The following DISP1 variants were observed in gnomAD, a reference collection of about 807,000 sequenced individuals.
DISP1 encodes the protein dispatched RND transporter family member 1.
Under a neutral mutation model 37.3 loss-of-function variants are expected in DISP1, and 30 were observed. The ratio of observed to expected loss-of-function variants is 0.80; its 90% CI spans 0.60 to 1.09. DISP1 has a LOEUF of 1.09. DISP1 is among the 50% of genes least tolerant of loss of function. The pLI, the probability that DISP1 is intolerant of heterozygous loss-of-function variation, is 0.00. For synonymous variants in DISP1, 634 were observed against 690.2 expected (o/e 0.92, Z 1.28); for missense variants, 1,598 against 1,879.5 (o/e 0.85, Z 2.77).
In DISP1 at chr1:222,955,337, G is replaced by A. The variant is rs1041782224; in HGVS notation, c.509+12005G>A. ...TGACCTCAAGTGATCTACCTGCCTCGACCTCCCAAATTGTTGGAATTACAG... is the reference window on the plus strand; with the variant it reads ...TGACCTCAAGTGATCTACCTGCCTCAACCTCCCAAATTGTTGGAATTACAG... On this transcript the variant is annotated intron_variant, in intron 3 of 8. Transcript: ENST00000675850. 2.0e-5 allele frequency among the ~76,000 whole-genome samples: 3 copies of A among 151,996 alleles called. No individual in the cohort carries two copies. In the South Asian group the frequency reaches 6.2e-4, roughly 32 times the overall value.
intron 3 of DISP1, among the ~76,000 whole-genome samples, chr1:222,980,240 A>C (rs1010734892): frequency 6.6e-6 from 1 of 152,234 alleles, no homozygotes; most frequent in African/African-American, 2.4e-5. Context: ...ACTTCAAAAA[A>C]TGTTTCTCTT....
intron 1 of DISP1, among the ~76,000 whole-genome samples, chr1:222,899,547 T>A (rs765371569): frequency 3.3e-5 from 5 of 152,294 alleles, no homozygotes; most frequent in Non-Finnish European, 5.9e-5. Flanking sequence ...TTGTCTGGCT[T>A]ACAGGAATGA....
rs1672182173 is a variant in DISP1 at position 222,911,081 on chromosome 1, AGG to A, written c.-158-17347_-158-17346del. ...TAAGAAATTCACAGTAATTGTCTTC[AGG>A]GCTTTCTCTTTTTCTTTGTAGAATG... On this transcript the variant is annotated intron_variant, in intron 1 of 8. Transcript: ENST00000675850. 2.0e-5 allele frequency among the ~76,000 whole-genome samples: 3 copies of A among 152,216 alleles called. 1 individual carries two copies. Among genetic ancestry groups the A allele is most frequent in the African/African-American group, 2.4e-5 (1 of 41,454 alleles).
At chr1:222,884,022 T>C (rs1181794124) in intron 1 of DISP1, among the ~76,000 whole-genome samples, 8 of 152,166 alleles carry the variant, frequency 5.3e-5, no homozygotes, top group African/African-American at 1.9e-4. Flanking sequence ...TGTCCTATAA[T>C]TGACTCTCAG....
At chr1:222,879,833 A>G (rs955123689) in intron 1 of DISP1, among the ~76,000 whole-genome samples, 1 of 152,174 alleles carries the variant, frequency 6.6e-6, no homozygotes, top group East Asian at 1.9e-4. Context: ...AAAATAAAAT[A>G]CTGTTAAGAT....
chr1:222,876,660 A>G (rs577308801), intron 1 of DISP1, among the ~76,000 whole-genome samples: 1 of 152,352 alleles, frequency 6.6e-6, no homozygotes, highest in East Asian at 1.9e-4. Context: ...AGAATTATAG[A>G]TATCATCTAA....
At position 223,003,791 on chromosome 1, in the gene DISP1, T is replaced by A; in HGVS notation, c.2394T>A (p.Asn798Lys). The A allele has an allele frequency of 6.2e-7, 1 of 1,614,146 alleles. No homozygotes were observed. The highest frequency in any genetic ancestry group is 1.6e-4 in the Middle Eastern group (1 of 6,062). The change falls in exon 9 of 9, where the codon AAT becomes AAA. Residue 798 changes from asparagine to lysine, a missense_variant. By Grantham distance (94) the Asn-to-Lys change is moderately conservative. Transcript: ENST00000675850. This position sits in a 1 kb window ranked among gnomAD's most constrained non-coding sequence, Gnocchi z 4.3. ...TVIWGVSPED[N>K]GNPLNPKSKG... is the part of the protein sequence containing the mutation. ...TCTGGGGCGTGTCCCCAGAAGACAA[T>A]GGCAACCCACTAAATCCCAAGAGTA...
chr1:222,828,801 TTC>T (rs751642429), intron 1 of DISP1, among the ~76,000 whole-genome samples: 44 of 152,314 alleles, frequency 2.9e-4, no homozygotes, highest in Non-Finnish European at 5.0e-4. Flanking sequence ...CTTGGAGCAT[TTC>T]TCTTACTTTA....
intron 1 of DISP1, among the ~76,000 whole-genome samples, chr1:222,846,797 A>C (rs1030867062): frequency 6.6e-5 from 10 of 152,272 alleles, no homozygotes; most frequent in Admixed American, 5.2e-4. Context: ...ATAGCAGGAC[A>C]TTCTGTCCTT....
intron 1 of DISP1, among the ~76,000 whole-genome samples, chr1:222,895,741 T>A (rs1490757409): frequency 6.6e-6 from 1 of 152,184 alleles, no homozygotes; most frequent in Non-Finnish European, 1.5e-5. Context: ...ATGGGTTAAC[T>A]GGATCTCTTG....
chr1:222,991,882 C>T (rs1678720929), intron 6 of DISP1, 131 bp from the exon 7 acceptor site: 2 of 857,542 alleles, frequency 2.3e-6, no homozygotes, highest in East Asian at 2.7e-5. Context: ...TTGGTTGCTT[C>T]TTCTAATCCT....
intron 1 of DISP1, among the ~76,000 whole-genome samples, chr1:222,833,705 A>G (rs1329490873): frequency 1.3e-5 from 2 of 152,198 alleles, no homozygotes; most frequent in African/African-American, 4.8e-5. Flanking sequence ...GATGTTATGC[A>G]CTGAGCTCTA....
rs1285247624 is a variant in DISP1 at position 222,943,318 on chromosome 1, C to T, written c.495C>T (p.His165=). 1 of 1,614,140 alleles carries T rather than the reference C, an allele frequency of 6.2e-7. No individual in the cohort carries two copies. The highest frequency in any genetic ancestry group is 1.3e-5 in the African/African-American group (1 of 74,940). Residue 165 remains histidine, a synonymous_variant, in exon 3 of 9, where the codon CAC becomes CAT. Coordinates refer to ENST00000675850, the MANE Select transcript of DISP1 (RefSeq NM_001377229.1). The stretch of plus-strand genomic sequence containing the variant: ...TTCAGCATCAGCCTGTGCAACAGCA[C>T]ATAGCCAACATAAGGTAAGTGATCC... ...DHFQHQPVQQ[H]IANIRPSRPF...
chr1:222,922,235 T>G (rs1672840478), intron 1 of DISP1, among the ~76,000 whole-genome samples: 1 of 152,048 alleles, frequency 6.6e-6, no homozygotes, highest in African/African-American at 2.4e-5. Flanking sequence ...GGGGGAGCCA[T>G]GAGTGTTTTT....
intron 4 of DISP1, among the ~76,000 whole-genome samples, chr1:222,989,853 A>C (rs374534404): frequency 1.3e-5 from 2 of 151,238 alleles, no homozygotes; most frequent in Non-Finnish European, 2.9e-5. Flanking sequence ...CCCAGGCTGG[A>C]GTGCAGTGGC....
chr1:222,847,540 A>G (rs1572329673), intron 1 of DISP1, among the ~76,000 whole-genome samples: 1 of 152,338 alleles, frequency 6.6e-6, no homozygotes, highest in South Asian at 2.1e-4. Flanking sequence ...ATATCAAACC[A>G]TCTTTATAAA....
chr1:222,999,828 C>T (rs1488390093), intron 8 of DISP1, among the ~76,000 whole-genome samples: 1 of 152,178 alleles, frequency 6.6e-6, no homozygotes, highest in Non-Finnish European at 1.5e-5. Context: ...TGTCTTTTCT[C>T]TGTCCTTATT....
At chr1:222,951,214 C>T (rs1040244890) in intron 3 of DISP1, among the ~76,000 whole-genome samples, 1 of 152,082 alleles carries the variant, frequency 6.6e-6, no homozygotes, top group Admixed American at 6.6e-5. Flanking sequence ...TCCCTGCCAC[C>T]CCCATATGTT....
At chr1:222,821,714 A>G (rs1037681329) in intron 1 of DISP1, among the ~76,000 whole-genome samples, 10 of 152,068 alleles carry the variant, frequency 6.6e-5, no homozygotes, top group Non-Finnish European at 1.3e-4. Context: ...TGTGTCTGCT[A>G]AAAATAATAC....
Sources: allele counts gnomAD v4.1 joint callset (sites outside exome capture counted in the v4.1 genomes callset), GRCh38; gene constraint gnomAD v4.1.1; non-coding constraint Gnocchi (gnomAD v3.1); transcripts MANE v1.5; gene names NCBI Gene and HGNC (gene_info 2026-07-23, HGNC 2026-07-21).